The following APBA2 variants were observed in gnomAD, a reference collection of about 807,000 sequenced individuals.
APBA2 encodes amyloid-beta A4 precursor protein-binding family A member 2.
In APBA2, 30 loss-of-function variants were observed where a neutral mutation model predicts 75.0. The observed-to-expected ratio is 0.40, with a 90% CI of 0.30 to 0.54. APBA2 has a LOEUF of 0.54. APBA2 is among the 20% of genes least tolerant of loss of function. The probability of loss-of-function intolerance (pLI) is 0.49; values close to 1 mark genes in which losing one functional copy is unlikely to be tolerated. For synonymous variants in APBA2, 444 were observed against 409.6 expected (o/e 1.08, Z -1.01); for missense variants, 801 against 1,016.1 (o/e 0.79, Z 2.88).
rs142241995 is a variant in APBA2, at chr15:28,944,830, T to C, written c.-95+23081T>C. 2.6e-5 allele frequency among the ~76,000 whole-genome samples: 4 copies of C among 152,254 alleles called. 1 individual carries two copies. The highest frequency in any genetic ancestry group is 5.9e-5 in the Non-Finnish European group (4 of 68,022). On this transcript the variant is annotated intron_variant, in intron 2 of 14. Transcript: ENST00000683413. ...TTTGGGATGAAGCCCTGCAGAAAGG[T>C]CCGGGCAGCACTGCAGCCCCGCCAT...
At chr15:28,986,773 T>A (rs1289304775) in intron 2 of APBA2, among the ~76,000 whole-genome samples, 2 of 152,242 alleles carry the variant, frequency 1.3e-5, no homozygotes, top group African/African-American at 4.8e-5. Flanking sequence ...GGTCCCCTTC[T>A]TATTTTTATG....
chr15:28,947,012 G>T (rs1480109236), intron 2 of APBA2, among the ~76,000 whole-genome samples: 1 of 152,222 alleles, frequency 6.6e-6, no homozygotes, highest in Non-Finnish European at 1.5e-5. Flanking sequence ...CCTTTCCATT[G>T]CAGCAAGATT....
At chr15:29,055,194 G>A (rs1187035891) in intron 4 of APBA2, among the ~76,000 whole-genome samples, 1 of 152,190 alleles carries the variant, frequency 6.6e-6, no homozygotes, top group Non-Finnish European at 1.5e-5. Flanking sequence ...ATCCTCAGGG[G>A]TGTACTCAGA....
intron 1 of APBA2, 127 bp downstream of exon 1, chr15:28,886,405 G>A (rs2031724715): frequency 6.7e-6 from 1 of 149,478 alleles, no homozygotes; most frequent in African/African-American, 2.5e-5. Context: ...CCAGAGCGCT[G>A]CCCTCCCGAC....
At chr15:28,969,136 CTTTCTTTCTTTCTTTCTTTCTTTCTTT>C (rs1214181188) in intron 2 of APBA2, among the ~76,000 whole-genome samples, 8 of 62,350 alleles carry the variant, frequency 1.3e-4, no homozygotes, top group African/African-American at 1.2e-3. Context: ...CTTTTTCTTT[CTTTCTTTCTTTCTTTCTTTCTTTCTTT>C]CTTTCTTTCT....
At chr15:29,067,030 T>C (rs1323780166) in intron 4 of APBA2, among the ~76,000 whole-genome samples, 1 of 152,104 alleles carries the variant, frequency 6.6e-6, no homozygotes, top group African/African-American at 2.4e-5. Context: ...GCACTTCACA[T>C]GGTGAGAATG....
intron 1 of APBA2, among the ~76,000 whole-genome samples, chr15:28,906,478 A>G (rs2033139965): frequency 6.6e-6 from 1 of 152,142 alleles, no homozygotes; most frequent in South Asian, 2.1e-4. Context: ...TTGTGTCTGC[A>G]TGGGGTTGTT....
intron 2 of APBA2, among the ~76,000 whole-genome samples, chr15:28,923,355 A>G (rs1332664760): frequency 6.6e-6 from 1 of 152,008 alleles, no homozygotes; most frequent in African/African-American, 2.4e-5. Flanking sequence ...TGTGGTCAAG[A>G]TGGTTGAACT....
chr15:29,065,012 T>C (rs1362478208), intron 4 of APBA2, among the ~76,000 whole-genome samples: 1 of 152,020 alleles, frequency 6.6e-6, no homozygotes, highest in East Asian at 1.9e-4. Context: ...ATAGTGTGTG[T>C]GTGTGTGTGT....
chr15:29,062,644 C>T (rs4779737), intron 4 of APBA2, among the ~76,000 whole-genome samples: 5,803 of 152,148 alleles, frequency 0.038, 365 homozygotes, highest in African/African-American at 0.13. Context: ...TAGGTAAAGC[C>T]GGGGTTTCTA....
At chr15:29,015,452 C>G (rs1041182110) in intron 3 of APBA2, among the ~76,000 whole-genome samples, 1 of 152,184 alleles carries the variant, frequency 6.6e-6, no homozygotes, top group South Asian at 2.1e-4. Context: ...AGCTCCTCTC[C>G]TGTCTGTGGT....
intron 6 of APBA2, 134 bp downstream of exon 6, chr15:29,076,225 A>G: frequency 1.0e-6 from 1 of 994,178 alleles, no homozygotes; most frequent in East Asian, 2.4e-5. Context: ...GTGCTTGGCC[A>G]TTGTCTGTTT....
chr15:29,094,291 C>A lies in APBA2; in HGVS notation c.1229C>A (p.Ala410Asp). The A allele has an allele frequency of 6.2e-7, 1 of 1,614,216 alleles. No individual in the cohort carries two copies. Among genetic ancestry groups the A allele is most frequent in the Non-Finnish European group, 8.5e-7 (1 of 1,180,036 alleles). ...AVSRVKRMQKAAKIKKKANSE... is the reference protein window; with the variant it reads ...AVSRVKRMQKDAKIKKKANSE... Reference sequence around the variant, plus strand: ...CCATGCTGTCAGAGGATGCAAAAGGCTGCTAAGATCAAGAAAAAAGCGGTG... The same window carrying A: ...CCATGCTGTCAGAGGATGCAAAAGGATGCTAAGATCAAGAAAAAAGCGGTG... The change falls in exon 8 of 15, where the codon GCT (alanine) becomes GAT (aspartate). Residue 410 changes from alanine (A) to aspartate (D), a missense_variant. Coordinates refer to ENST00000683413, the MANE Select transcript of APBA2 (RefSeq NM_001353788.2).
chr15:28,944,870 G>A (rs78593107), intron 2 of APBA2, among the ~76,000 whole-genome samples: 18,823 of 152,234 alleles, frequency 0.12, 2,336 homozygotes, highest in East Asian at 0.33. Flanking sequence ...CTTGCCCCAC[G>A]TGGGTTCTGG....
At chr15:29,103,239 G>C (rs2044221503) in intron 10 of APBA2, among the ~76,000 whole-genome samples, 1 of 152,226 alleles carries the variant, frequency 6.6e-6, no homozygotes, top group Admixed American at 6.5e-5. Flanking sequence ...CCGATGCGGA[G>C]GGTTAAAGCC....
intron 2 of APBA2, among the ~76,000 whole-genome samples, chr15:28,976,386 A>G (rs1210412867): frequency 1.3e-5 from 2 of 152,356 alleles, no homozygotes; most frequent in South Asian, 2.1e-4. Flanking sequence ...AGAAGCAGTT[A>G]TACTGCAAAT....
At chr15:29,014,307 A>C (rs1407250334) in intron 3 of APBA2, among the ~76,000 whole-genome samples, 1 of 152,182 alleles carries the variant, frequency 6.6e-6, no homozygotes, top group Non-Finnish European at 1.5e-5. Flanking sequence ...ATCTCCCTTA[A>C]CTGCCTTTGC....
chr15:28,964,754 C>T (rs1466172978), intron 2 of APBA2, among the ~76,000 whole-genome samples: 3 of 152,088 alleles, frequency 2.0e-5, no homozygotes, highest in Non-Finnish European at 2.9e-5. Context: ...TCCGAAAGTG[C>T]TGGGATTACA....
At chr15:28,976,569 G>C in intron 2 of APBA2, among the ~76,000 whole-genome samples, 1 of 152,114 alleles carries the variant, frequency 6.6e-6, no homozygotes, top group South Asian at 2.1e-4. Context: ...TTTATGAAAT[G>C]GTTTTTGGGC....
Sources: gnomAD v4.1 joint callset for allele counts (sites outside exome capture counted in the v4.1 genomes callset) on GRCh38, gnomAD v4.1.1 for gene constraint, MANE v1.5 for transcripts, NCBI Gene and HGNC (gene_info 2026-07-23, HGNC 2026-07-21) for gene names.